The following TSPAN8 variants were observed in gnomAD, a reference collection of about 807,000 sequenced individuals.
The protein encoded by TSPAN8 is tetraspanin 8.
TSPAN8 carries 21 observed loss-of-function variants against 32.8 expected under a neutral mutation model. The observed-to-expected ratio is 0.64, with a 90% confidence interval of 0.45 to 0.92. The LOEUF (loss-of-function observed/expected upper bound fraction) is 0.92. TSPAN8 is among the 40% of genes least tolerant of loss of function. The pLI is 0.00. For missense variants in TSPAN8, 269 were observed against 281.9 expected, an observed-to-expected ratio of 0.95 and a Z score of 0.33; for synonymous variants, 95 against 94.6, an observed-to-expected ratio of 1.00 and a Z score of -0.03.
intron 4 of TSPAN8, chr12:71,139,279 C>T (rs372371124): frequency 8.7e-6 from 4 of 461,268 alleles, no homozygotes; most frequent in African/African-American, 5.9e-5. Context: ...CTTTTCCTAC[C>T]CTCACTCATA....
chr12:71,156,460 C>T (rs1264946907), intron 2 of TSPAN8, among the ~76,000 whole-genome samples: 1 of 111,602 alleles, frequency 9.0e-6, no homozygotes, highest in Non-Finnish European at 1.7e-5. Flanking sequence ...ATTTTTTTAA[C>T]CTAAAAACAG....
Position 71,129,349 on chromosome 12 carries a change from A to G in TSPAN8, c.642T>C (p.Phe214=). ...ACTGTACCTCAATAACTGCCAGTCC[A>G]AATGATATTCCAATAACTATAATCA... ...KNLIIVIGIS[F]GLAVIEILGL... Residue 214 remains phenylalanine (F), a synonymous_variant, in exon 8 of 9, where the codon TTT becomes TTC. Transcript: ENST00000247829. 6.3e-7 allele frequency: 1 copy of G among 1,588,790 alleles called. No individual in the cohort carries two copies. Among genetic ancestry groups the G allele is most frequent in the Non-Finnish European group, 8.6e-7 (1 of 1,168,022 alleles).
rs1408226663 is a variant in TSPAN8, at chr12:71,138,018, G to C, written c.379C>G (p.Leu127Val). Residue 127 changes from leucine to valine, a missense_variant, in exon 6 of 9, where the codon CTT becomes GTT. Physicochemically the swap from Leu to Val is conservative, Grantham distance 32. Transcript: ENST00000247829. Reference protein sequence around the residue: ...VNETLYENTKLLSATGESEKQ... With the variant: ...VNETLYENTKVLSATGESEKQ... ...TCACTTTCCCCTGTGGCGCTCAAAAGCTTTGTGTTTTCATAGAGAGTTTCA... is the reference window on the plus strand; with the variant it reads ...TCACTTTCCCCTGTGGCGCTCAAAACCTTTGTGTTTTCATAGAGAGTTTCA... The C allele has an allele frequency of 1.2e-6, 2 of 1,613,866 alleles. No individual in the cohort carries two copies. The highest frequency in any genetic ancestry group is 1.7e-6 in the Non-Finnish European group (2 of 1,180,004).
At chr12:71,129,525 C>T (rs1871453437) in intron 7 of TSPAN8, 111 bp from the exon 8 acceptor site, 4 of 1,170,248 alleles carry the variant, frequency 3.4e-6, no homozygotes, top group Non-Finnish European at 4.6e-6. Flanking sequence ...AAGAAACACA[C>T]TTAACGACAA....
chr12:71,149,833 A>G (rs1017755050), intron 2 of TSPAN8, among the ~76,000 whole-genome samples: 2 of 152,224 alleles, frequency 1.3e-5, no homozygotes, highest in African/African-American at 2.4e-5. Flanking sequence ...AAAGAACAAA[A>G]TAACAGTGAT....
At position 71,138,285 on chromosome 12, in the gene TSPAN8, G is replaced by C. The variant is rs188260078; in HGVS notation, c.262-55C>G. ...TCCTCAGTGCATTCAGTAACATCTG[G>C]GGACATTCTGGCACAGCACTTCTCT... On this transcript the variant is annotated intron_variant, in intron 4 of 8. Coordinates refer to ENST00000247829, the MANE Select transcript of TSPAN8 (RefSeq NM_004616.3). 1.2e-3 allele frequency: 1,823 copies of C among 1,501,994 alleles called. 1 individual carries two copies. Among genetic ancestry groups the C allele is most frequent in the Non-Finnish European group, 1.4e-3 (1,515 of 1,085,550 alleles). The allele number at this position is 1,501,994 out of a possible 1,614,324, so 93.0% of individuals were successfully genotyped here.
chr12:71,154,408 C>T (rs114686556), intron 2 of TSPAN8, among the ~76,000 whole-genome samples: 398 of 151,292 alleles, frequency 2.6e-3, no homozygotes, highest in African/African-American at 9.3e-3. Context: ...ATGGTACAGA[C>T]CTCTACAATC....
intron 2 of TSPAN8, among the ~76,000 whole-genome samples, chr12:71,147,204 GA>G (rs1189484092): frequency 2.6e-5 from 4 of 151,350 alleles, no homozygotes; most frequent in Admixed American, 6.6e-5. Flanking sequence ...AAAATATCAG[GA>G]AAAAAAAGGG....
intron 2 of TSPAN8, among the ~76,000 whole-genome samples, chr12:71,155,878 C>T (rs548946198): frequency 2.6e-5 from 4 of 151,966 alleles, no homozygotes; most frequent in South Asian, 2.1e-4. Context: ...ACTACAGGGG[C>T]GTGCCACCAT....
At chr12:71,139,401 G>A (rs1225551281) in intron 4 of TSPAN8, 2 of 505,002 alleles carry the variant, frequency 4.0e-6, no homozygotes, top group Non-Finnish European at 7.1e-6. Context: ...ACCTTCCCTA[G>A]TAGGTTCTAA....
At chr12:71,134,344 AT>A (rs1272037449) in intron 6 of TSPAN8, among the ~76,000 whole-genome samples, 3 of 152,222 alleles carry the variant, frequency 2.0e-5, no homozygotes, top group Admixed American at 6.5e-5. Flanking sequence ...ATAGAAAAAA[AT>A]ATCTTTCCAA....
At chr12:71,138,334 TGA>T in intron 4 of TSPAN8, 104 bp from the exon 5 acceptor site, 1 of 1,093,694 alleles carries the variant, frequency 9.1e-7, no homozygotes, top group Non-Finnish European at 1.3e-6. Context: ...TATATCACAG[TGA>T]GAGTGTCAGT....
chr12:71,146,237 C>T (rs12230137), intron 2 of TSPAN8, among the ~76,000 whole-genome samples: 10,940 of 152,196 alleles, frequency 0.072, 916 homozygotes, highest in East Asian at 0.28. Context: ...ATTTCCACCC[C>T]TAACTCTTAT....
chr12:71,157,395 G>T, intron 2 of TSPAN8: 1 of 448,196 alleles, frequency 2.2e-6, no homozygotes, highest in South Asian at 4.4e-5. Flanking sequence ...AAACATTTAT[G>T]AAATGTTTAT....
chr12:71,140,015 C>T (rs886340612), intron 3 of TSPAN8, among the ~76,000 whole-genome samples, 167 bp from the exon 4 acceptor site: 5 of 151,700 alleles, frequency 3.3e-5, no homozygotes, highest in Non-Finnish European at 7.4e-5. Flanking sequence ...ATGGAGCTCA[C>T]ATTCTATTGA....
chr12:71,136,054 G>C (rs1592402170), intron 6 of TSPAN8, among the ~76,000 whole-genome samples: 1 of 151,536 alleles, frequency 6.6e-6, no homozygotes, highest in South Asian at 2.1e-4. Flanking sequence ...TTACAAGCTG[G>C]CATCTACCCA....
Position 71,144,121 on chromosome 12 carries a change from G to A in TSPAN8, c.123+30C>T, listed in dbSNP as rs560092189. Reference sequence around the variant, plus strand: ...TTATAAATGAAATAAACTACATTGGGGAAAGGGTGACTTGTTTTTGCATAC... The same window carrying A: ...TTATAAATGAAATAAACTACATTGGAGAAAGGGTGACTTGTTTTTGCATAC... On this transcript the variant is annotated intron_variant, in intron 3 of 8. Coordinates refer to ENST00000247829, the MANE Select transcript of TSPAN8 (RefSeq NM_004616.3). 2.5e-6 allele frequency: 4 copies of A among 1,592,442 alleles called. No individual in the cohort carries two copies. In the East Asian group the frequency reaches 6.7e-5, roughly 27 times the overall value.
intron 4 of TSPAN8, chr12:71,139,384 C>T (rs896506662): frequency 1.0e-5 from 5 of 476,374 alleles, no homozygotes; most frequent in African/African-American, 7.7e-5. Context: ...TATTTGCTTA[C>T]TTATTAACCT....
intron 6 of TSPAN8, among the ~76,000 whole-genome samples, chr12:71,133,807 C>A (rs1484860105): frequency 2.6e-5 from 4 of 151,906 alleles, no homozygotes; most frequent in African/African-American, 4.8e-5. Flanking sequence ...GCATGTGGCA[C>A]ATGATATTAT....
Sources: allele counts gnomAD v4.1 joint callset (sites outside exome capture counted in the v4.1 genomes callset), GRCh38; gene constraint gnomAD v4.1.1; transcripts MANE v1.5; gene names NCBI Gene and HGNC (gene_info 2026-07-23, HGNC 2026-07-21).